Variants in CENPP observed in about 807,000 individuals in gnomAD.
CENPP encodes centromere protein P.
A neutral mutation model predicts 35.6 loss-of-function variants in CENPP; 24 were observed. The ratio of observed to expected loss-of-function variants is 0.67; its 90% CI spans 0.49 to 0.95. CENPP has a LOEUF of 0.95. Among genes scored for constraint, CENPP ranks in the 40% least tolerant of loss-of-function variants. CENPP has a pLI of 0.00. For missense variants in CENPP, 332 were observed against 345.3 expected (o/e 0.96, Z 0.31); for synonymous variants, 120 against 125.5 (o/e 0.96, Z 0.29).
chr9:92,351,493 A>C (rs1284071965), intron 4 of CENPP, among the ~76,000 whole-genome samples: 3 of 144,212 alleles, frequency 2.1e-5, no homozygotes, highest in Non-Finnish European at 4.5e-5. Context: ...AAAAAAAAAA[A>C]CCAGAAACTT....
chr9:92,360,233 T>G (rs1378245273), intron 4 of CENPP, among the ~76,000 whole-genome samples: 1 of 152,218 alleles, frequency 6.6e-6, no homozygotes, highest in Non-Finnish European at 1.5e-5. Context: ...ACAGTCTATT[T>G]AGATTTGATA....
Position 92,547,966 on chromosome 9 carries a change from AAAG to A in CENPP, c.565-63344_565-63342del, listed in dbSNP as rs1187155286. Among the ~76,000 whole-genome samples, 5 of 152,236 alleles carry A rather than the reference AAAG, an allele frequency of 3.3e-5. No individual in the cohort carries two copies. The East Asian group carries it at 9.6e-4, about 29-fold the overall frequency. On this transcript the variant is annotated intron_variant, in intron 5 of 7. Coordinates refer to ENST00000375587, the MANE Select transcript of CENPP (RefSeq NM_001012267.3). ...TTTTCCTTCATTTTCTTATGGGAAA[AAAG>A]AAGTAAAGGAAGGAAAAACTGTTAC...
At chr9:92,516,724 C>T (rs989474501) in intron 5 of CENPP, 2 of 152,158 alleles carry the variant, frequency 1.3e-5, no homozygotes, top group Non-Finnish European at 2.9e-5. Context: ...ACTTTGTAAA[C>T]CTTGTATTTA....
At chr9:92,545,147 G>A (rs986253432) in intron 5 of CENPP, among the ~76,000 whole-genome samples, 8 of 152,218 alleles carry the variant, frequency 5.3e-5, no homozygotes, top group African/African-American at 1.9e-4. Context: ...CTCTGGCCGT[G>A]CTTGAGGAGT....
At chr9:92,329,934 A>T (rs557428539) in intron 1 of CENPP, among the ~76,000 whole-genome samples, 1 of 152,202 alleles carries the variant, frequency 6.6e-6, no homozygotes, top group Non-Finnish European at 1.5e-5. Context: ...TAGTTTCATG[A>T]TACAGAATAT....
chr9:92,462,813 T>C (rs1348458627), intron 5 of CENPP, among the ~76,000 whole-genome samples: 1 of 152,232 alleles, frequency 6.6e-6, no homozygotes, highest in Non-Finnish European at 1.5e-5. Context: ...GTAAAGGTTC[T>C]GTCCTCAAAG....
Position 92,613,160 on chromosome 9 carries a change from G to C in CENPP, c.*11G>C. On this transcript the variant is annotated 3_prime_UTR_variant, in exon 8 of 8. Transcript: ENST00000375587. ...GAGGAGAACAACTAGTTCCAAAACA[G>C]TGAACGTGGAGGATGAAGATGCTGC... 6.2e-7 allele frequency: 1 copy of C among 1,614,112 alleles called. No homozygotes were observed.
At chr9:92,472,760 G>T (rs1428189753) in intron 5 of CENPP, among the ~76,000 whole-genome samples, 1 of 152,096 alleles carries the variant, frequency 6.6e-6, no homozygotes, top group African/African-American at 2.4e-5. Context: ...AGCAAGGTAG[G>T]GTGCAGTTTT....
intron 5 of CENPP, among the ~76,000 whole-genome samples, chr9:92,429,532 A>G (rs1014646507): frequency 2.0e-5 from 3 of 152,150 alleles, no homozygotes; most frequent in African/African-American, 7.2e-5. Flanking sequence ...CACTCCTGTA[A>G]TCCCAGGACC....
chr9:92,444,441 CTT>C (rs879288312), intron 5 of CENPP, among the ~76,000 whole-genome samples: 2 of 143,566 alleles, frequency 1.4e-5, no homozygotes, highest in African/African-American at 2.5e-5. Flanking sequence ...ATTCTATGAG[CTT>C]TTTTTTTTTT....
intron 5 of CENPP, chr9:92,456,662 C>T (rs1373592589): frequency 6.6e-6 from 1 of 151,820 alleles, no homozygotes; most frequent in Non-Finnish European, 1.5e-5. Flanking sequence ...CAAACCAGCT[C>T]TTATGAGTAG....
At chr9:92,571,769 T>C (rs1165655638) in intron 5 of CENPP, among the ~76,000 whole-genome samples, 11 of 152,202 alleles carry the variant, frequency 7.2e-5, no homozygotes, top group Admixed American at 7.2e-4. Flanking sequence ...TGCTCCTGTA[T>C]TGGGTGCATA....
Position 92,514,855 on chromosome 9 carries a change from T to TCAC in CENPP, c.565-96458_565-96457insACC, listed in dbSNP as rs1420673526. ...ATCCTCCTCACCCTCCTCACCCTCCTCCTCCTCATCCTCCTCCTCCTCCCT... is the reference window on the plus strand; with the variant it reads ...ATCCTCCTCACCCTCCTCACCCTCCTCACCCTCCTCATCCTCCTCCTCCTCCCT... On this transcript the variant is annotated intron_variant, in intron 5 of 7. Transcript: ENST00000375587. 3 of 1,612,278 alleles carry TCAC rather than the reference T, an allele frequency of 1.9e-6. No individual in the cohort carries two copies. The South Asian group carries it at 3.3e-5, about 18-fold the overall frequency.
intron 5 of CENPP, among the ~76,000 whole-genome samples, chr9:92,481,559 TAA>T (rs1180819018): frequency 1.3e-5 from 2 of 152,224 alleles, no homozygotes; most frequent in African/African-American, 4.8e-5. Flanking sequence ...ATACATTGCT[TAA>T]ATTTTTTAAT....
chr9:92,433,847 G>A (rs373187279), intron 5 of CENPP, among the ~76,000 whole-genome samples: 2 of 151,948 alleles, frequency 1.3e-5, no homozygotes, highest in Non-Finnish European at 1.5e-5. Context: ...CAGGAGAATC[G>A]CTTGAACCCG....
chr9:92,440,383 A>AAATAAATAAATCAATC (rs1336594042), intron 5 of CENPP, among the ~76,000 whole-genome samples: 7 of 151,772 alleles, frequency 4.6e-5, no homozygotes, highest in Non-Finnish European at 7.4e-5. Context: ...ATAAATAAAT[A>AAATAAATAAATCAATC]AATCACAAGA....
chr9:92,468,852 A>G (rs1845408754), intron 5 of CENPP, among the ~76,000 whole-genome samples: 1 of 152,204 alleles, frequency 6.6e-6, no homozygotes, highest in South Asian at 2.1e-4. Flanking sequence ...AAGTAGGTCT[A>G]AGAAAGCTCC....
At chr9:92,422,135 C>T (rs542213157) in intron 5 of CENPP, among the ~76,000 whole-genome samples, 4 of 152,064 alleles carry the variant, frequency 2.6e-5, no homozygotes, top group African/African-American at 9.6e-5. Flanking sequence ...ACTGCAACCT[C>T]CGCCTCCCAG....
intron 5 of CENPP, chr9:92,457,545 C>T: frequency 1.6e-6 from 2 of 1,252,742 alleles, no homozygotes; most frequent in South Asian, 1.3e-5. Context: ...ACGGAAGATA[C>T]TCTGTAGTCG....
Sources: allele counts gnomAD v4.1 joint callset (sites outside exome capture counted in the v4.1 genomes callset), GRCh38; gene constraint gnomAD v4.1.1; transcripts MANE v1.5; gene names NCBI Gene and HGNC (gene_info 2026-07-23, HGNC 2026-07-21).